PELI2: variants seen among roughly 807,000 people sequenced by gnomAD.
PELI2 encodes the protein E3 ubiquitin-protein ligase pellino homolog 2.
A neutral mutation model predicts 42.3 loss-of-function variants in PELI2; 23 were observed. That is an observed-to-expected ratio of 0.54 (90% CI 0.39 to 0.77). The LOEUF (loss-of-function observed/expected upper bound fraction) is 0.77. Ranked by LOEUF, PELI2 falls within the 30% of genes least tolerant of loss-of-function variation. PELI2 has a pLI of 0.00. For synonymous variants in PELI2, 245 were observed against 212.2 expected (o/e 1.15, Z -1.34); for missense variants, 463 against 553.2 (o/e 0.84, Z 1.64).
At chr14:56,266,713 A>G (rs190595013) in intron 2 of PELI2, among the ~76,000 whole-genome samples, 25 of 152,156 alleles carry the variant, frequency 1.6e-4, no homozygotes, top group Non-Finnish European at 1.2e-4. Context: ...CATACCATGT[A>G]CCATTTGATT....
intron 5 of PELI2, among the ~76,000 whole-genome samples, chr14:56,290,809 A>C (rs1227310765): frequency 6.6e-6 from 1 of 152,238 alleles, no homozygotes. Flanking sequence ...ACGTTTGAGC[A>C]GTCCAAAAAC....
chr14:56,286,904 C>G (rs1889663989), intron 3 of PELI2, among the ~76,000 whole-genome samples: 1 of 152,182 alleles, frequency 6.6e-6, no homozygotes, highest in African/African-American at 2.4e-5. Flanking sequence ...GACTTAAAAT[C>G]ATTGATCCTA....
At chr14:56,165,237 T>C (rs1884914047) in intron 1 of PELI2, among the ~76,000 whole-genome samples, 1 of 152,148 alleles carries the variant, frequency 6.6e-6, no homozygotes, top group African/African-American at 2.4e-5. Context: ...CCATCATCAT[T>C]TGTTTCAAGA....
At position 56,288,514 on chromosome 14, in the gene PELI2, C is replaced by A; in HGVS notation, c.387C>A (p.Ala129=). 1 of 1,614,054 alleles carries A rather than the reference C, an allele frequency of 6.2e-7. No individual in the cohort carries two copies. The highest frequency in any genetic ancestry group is 8.5e-7 in the Non-Finnish European group (1 of 1,180,000). ...TISGSQNTDE[A]QITQSTISRF... ...CTGGCAGCCAGAACACGGACGAAGC[C>A]CAGATCACACAGAGCACCATATCCA... is the stretch of plus-strand genomic sequence containing the variant. Residue 129 remains alanine (A), a synonymous_variant, in exon 4 of 6, where the codon GCC becomes GCA. Coordinates refer to ENST00000267460, the MANE Select transcript of PELI2 (RefSeq NM_021255.3). This position sits in a 1 kb window ranked among gnomAD's most constrained non-coding sequence, Gnocchi z 4.6.
rs1166183538 is a variant in PELI2, at chr14:56,273,939, C to G, written c.208-5737C>G. ...AGATGTCAGGGCTCTGAGCCAACTT[C>G]TGTGAGAGTCTTTTGACCTTCCTCT... On this transcript the variant is annotated intron_variant, in intron 2 of 5. Coordinates refer to ENST00000267460, the MANE Select transcript of PELI2 (RefSeq NM_021255.3). This position sits in a 1 kb window ranked among gnomAD's most constrained non-coding sequence, Gnocchi z 4.3. 6.6e-6 allele frequency among the ~76,000 whole-genome samples: 1 copy of G among 152,228 alleles called. No homozygotes were observed. Among genetic ancestry groups the G allele is most frequent in the Non-Finnish European group, 1.5e-5 (1 of 68,034 alleles).
At chr14:56,129,377 C>T (rs1883397567) in intron 1 of PELI2, among the ~76,000 whole-genome samples, 1 of 152,250 alleles carries the variant, frequency 6.6e-6, no homozygotes. Context: ...GGTGAGATAA[C>T]GTGATCCATT....
intron 2 of PELI2, among the ~76,000 whole-genome samples, chr14:56,230,789 A>C (rs1887532928): frequency 6.6e-6 from 1 of 152,266 alleles, no homozygotes; most frequent in South Asian, 2.1e-4. Context: ...TGTTCCAATT[A>C]AAAGACACAG....
intron 2 of PELI2, among the ~76,000 whole-genome samples, chr14:56,256,516 G>T (rs1002037567): frequency 2.0e-5 from 3 of 152,018 alleles, no homozygotes; most frequent in Non-Finnish European, 4.4e-5. Flanking sequence ...AAGAAGCCAG[G>T]TGTGAGTCTG....
chr14:56,269,487 C>T (rs369927066), intron 2 of PELI2, among the ~76,000 whole-genome samples: 2 of 152,092 alleles, frequency 1.3e-5, no homozygotes, highest in Middle Eastern at 3.4e-3. Flanking sequence ...TGACTTAATA[C>T]GTTCTAAAAC....
rs1232694521 is a variant in PELI2 at position 56,175,321 on chromosome 14, T to C, written c.78-3014T>C. 2.6e-5 allele frequency among the ~76,000 whole-genome samples: 4 copies of C among 152,218 alleles called. No homozygotes were observed. The East Asian group carries it at 7.7e-4, about 29-fold the overall frequency. ...AAGATTTCGACAGTTCAAGCAGTGC[T>C]TCCACCATGAAGCCTTCTCTAATGC... On this transcript the variant is annotated intron_variant, in intron 1 of 5. Transcript: ENST00000267460.
At chr14:56,245,894 A>C (rs1285520724) in intron 2 of PELI2, among the ~76,000 whole-genome samples, 3 of 152,228 alleles carry the variant, frequency 2.0e-5, no homozygotes, top group Admixed American at 6.5e-5. Flanking sequence ...GTATTAATAC[A>C]TATATTATAT....
At chr14:56,246,665 CTTTA>C (rs141937100) in intron 2 of PELI2, among the ~76,000 whole-genome samples, 5,913 of 152,206 alleles carry the variant, frequency 0.039, 402 homozygotes, top group African/African-American at 0.14. Context: ...TTATGCATTA[CTTTA>C]TTTAACCCAT....
intron 4 of PELI2, among the ~76,000 whole-genome samples, chr14:56,289,790 C>T (rs1401064870): frequency 6.6e-6 from 1 of 152,214 alleles, no homozygotes; most frequent in African/African-American, 2.4e-5. Context: ...ATGACCCCGA[C>T]TTGTTGGCTT....
chr14:56,143,478 A>G (rs928787908), intron 1 of PELI2, among the ~76,000 whole-genome samples: 3 of 152,244 alleles, frequency 2.0e-5, no homozygotes, highest in African/African-American at 7.2e-5. Context: ...TGATTTTAGC[A>G]TCCATCAGTA....
rs191520707 is a variant in PELI2, at chr14:56,178,526, G to T, written c.207+62G>T. The T allele has an allele frequency of 7.6e-5, 119 of 1,558,258 alleles. No homozygotes were observed. In the African/African-American group the frequency reaches 1.3e-3, roughly 17 times the overall value. ...AAACAGTGACTCACAGATACTCCTTGTCCGCTGCTCTCTTTCCTTTCGTCT... is the reference window on the plus strand; with the variant it reads ...AAACAGTGACTCACAGATACTCCTTTTCCGCTGCTCTCTTTCCTTTCGTCT... On this transcript the variant is annotated intron_variant, in intron 2 of 5. Transcript: ENST00000267460.
In PELI2 at chr14:56,296,236, G is replaced by A. The variant is rs1421220700; in HGVS notation, c.697-364G>A. 2.0e-5 allele frequency among the ~76,000 whole-genome samples: 3 copies of A among 152,304 alleles called. No individual in the cohort carries two copies. In the East Asian group the frequency reaches 5.8e-4, roughly 29 times the overall value. ...GAGTCTCCACTGGATGGACTGGTAG[G>A]ACATCTCTCATCCTATGGGATCAGT... On this transcript the variant is annotated intron_variant, in intron 5 of 5. Coordinates refer to ENST00000267460, the MANE Select transcript of PELI2 (RefSeq NM_021255.3).
At chr14:56,177,787 A>T (rs1885438711) in intron 1 of PELI2, among the ~76,000 whole-genome samples, 1 of 152,232 alleles carries the variant, frequency 6.6e-6, no homozygotes. Context: ...CTAATCTGAC[A>T]GCGTAGGGTT....
At chr14:56,149,096 A>G (rs1433398255) in intron 1 of PELI2, among the ~76,000 whole-genome samples, 1 of 152,178 alleles carries the variant, frequency 6.6e-6, no homozygotes. Context: ...ATGTAGAATG[A>G]CATTTTACCC....
intron 5 of PELI2, among the ~76,000 whole-genome samples, chr14:56,293,785 G>C (rs1467436942): frequency 1.3e-5 from 2 of 152,116 alleles, no homozygotes; most frequent in Non-Finnish European, 1.5e-5. Flanking sequence ...AGGGTATGTG[G>C]AAAATAAAAA....
Sources: allele counts gnomAD v4.1 joint callset (sites outside exome capture counted in the v4.1 genomes callset), GRCh38; gene constraint gnomAD v4.1.1; non-coding constraint Gnocchi (gnomAD v3.1); transcripts MANE v1.5; gene names NCBI Gene and HGNC (gene_info 2026-07-23, HGNC 2026-07-21).